DNAH9: variants seen among roughly 807,000 people sequenced by gnomAD.
DNAH9 encodes the protein dynein axonemal heavy chain 9, also known as DNAH9 variant protein.
In DNAH9, 345 loss-of-function variants were observed where a neutral mutation model predicts 471.6. The ratio of observed to expected loss-of-function variants is 0.73; its 90% CI spans 0.67 to 0.80. The LOEUF is 0.80. Ranked by LOEUF, DNAH9 falls within the 30% of genes least tolerant of loss-of-function variation. The probability of loss-of-function intolerance (pLI) is 0.00; values close to 1 mark genes in which losing one functional copy is unlikely to be tolerated. For missense variants in DNAH9, 5,407 were observed against 5,609.2 expected, an observed-to-expected ratio of 0.96 and a Z score of 1.15; for synonymous variants, 2,093 against 2,123.6, an observed-to-expected ratio of 0.99 and a Z score of 0.40.
chr17:11,795,284 C>T (rs1597657563), intron 42 of DNAH9, among the ~76,000 whole-genome samples: 1 of 152,098 alleles, frequency 6.6e-6, no homozygotes, highest in Non-Finnish European at 1.5e-5. Context: ...TTCTTAGCGT[C>T]GAAATTACCC....
chr17:11,698,206 A>ATTATATATATTAATATAATAATATATTAT (rs2074518455), intron 22 of DNAH9, among the ~76,000 whole-genome samples: 1 of 123,228 alleles, frequency 8.1e-6, no homozygotes, highest in East Asian at 2.1e-4. Context: ...TAATATATTA[A>ATTATATATATTAATATAATAATATATTAT]TAATATAATT....
At position 11,701,190 on chromosome 17, in the gene DNAH9, T is replaced by C. The variant is rs2074587842; in HGVS notation, c.5094T>C (p.Gly1698=). The change falls in exon 24 of 69, where the codon GGT becomes GGC. Residue 1698 remains glycine, a synonymous_variant. Transcript: ENST00000262442. ...KATVRHEMTE[G]VTAYEEKPRE... ...CTGTGAGGCATGAGATGACAGAAGG[T>C]GTAACTGCCTATGAAGAAAAGCCGA... 1 of 1,614,032 alleles carries C rather than the reference T, an allele frequency of 6.2e-7. No homozygotes were observed. Among genetic ancestry groups the C allele is most frequent in the African/African-American group, 1.3e-5 (1 of 75,036 alleles).
Position 11,742,209 on chromosome 17 carries a change from A to G in DNAH9, c.6007A>G (p.Ile2003Val). 6.2e-7 allele frequency: 1 copy of G among 1,614,128 alleles called. No individual in the cohort carries two copies. The highest frequency in any genetic ancestry group is 8.5e-7 in the Non-Finnish European group (1 of 1,179,998). ...CAMVVPDFEL[I>V]CEIMLVAEGF... Reference sequence around the variant, plus strand: ...AATGGTGGTTCCAGACTTTGAATTGATCTGTGAAATCATGCTGGTGGCAGA... The same window carrying G: ...AATGGTGGTTCCAGACTTTGAATTGGTCTGTGAAATCATGCTGGTGGCAGA... The change falls in exon 30 of 69, where the codon ATC becomes GTC. Residue 2003 changes from isoleucine to valine, a missense_variant. By Grantham distance (29) the Ile-to-Val change is conservative. Transcript: ENST00000262442.
At position 11,969,544 on chromosome 17, in the gene DNAH9, C is replaced by T. The variant is rs200299939; in HGVS notation, c.*17C>T. ...CAGATTTAGCATCCTGCAGAGCCAC[C>T]GAGAAAATAAAAAAGCTGGGCTTGG... is the stretch of plus-strand genomic sequence containing the variant. On this transcript the variant is annotated 3_prime_UTR_variant, in exon 69 of 69. Transcript: ENST00000262442. 1.1e-5 allele frequency: 17 copies of T among 1,583,914 alleles called. No homozygotes were observed. The Admixed American group carries it at 1.5e-4, about 14-fold the overall frequency.
intron 53 of DNAH9, among the ~76,000 whole-genome samples, chr17:11,877,433 A>G (rs1399201513): frequency 1.5e-5 from 2 of 135,204 alleles, no homozygotes; most frequent in Non-Finnish European, 3.1e-5. Flanking sequence ...AGATCGTGCC[A>G]TTGTACTCCA....
At chr17:11,641,164 T>C (rs778287498) in intron 10 of DNAH9, among the ~76,000 whole-genome samples, 11 of 152,168 alleles carry the variant, frequency 7.2e-5, no homozygotes, top group South Asian at 2.1e-4. Context: ...AGAGACCCTC[T>C]GGTCTGGCCC....
Position 11,793,488 on chromosome 17 carries a change from C to T in DNAH9, c.8062-15C>T, listed in dbSNP as rs945997753. 11 of 1,597,132 alleles carry T rather than the reference C, an allele frequency of 6.9e-6. No homozygotes were observed. The Admixed American group carries it at 1.1e-4, about 16-fold the overall frequency. On this transcript the variant is annotated splice_polypyrimidine_tract_variant and intron_variant, in intron 41 of 68. Transcript: ENST00000262442. ...GGTTATTAACGTTATTTTTTTGTGTCTGTTCCCCTTGAAGGGCATTCTCTT... is the reference window on the plus strand; with the variant it reads ...GGTTATTAACGTTATTTTTTTGTGTTTGTTCCCCTTGAAGGGCATTCTCTT...
rs114287092 is a variant in DNAH9 at position 11,812,788 on chromosome 17, A to G, written c.8707+2419A>G. ...ATGCCACAATTTTTTCCTTTCTTAA[A>G]TGCAATCTCTTTAACATCTCATCAC... On this transcript the variant is annotated intron_variant, in intron 45 of 68. Coordinates refer to ENST00000262442, the MANE Select transcript of DNAH9 (RefSeq NM_001372.4). 2.5e-3 allele frequency among the ~76,000 whole-genome samples: 373 copies of G among 152,234 alleles called. 1 individual carries two copies. Among genetic ancestry groups the G allele is most frequent in the African/African-American group, 8.1e-3 (335 of 41,538 alleles).
At chr17:11,668,676 A>C (rs948460166) in intron 15 of DNAH9, among the ~76,000 whole-genome samples, 9 of 143,826 alleles carry the variant, frequency 6.3e-5, no homozygotes, top group African/African-American at 1.7e-4. Flanking sequence ...AAAAAAAAAA[A>C]AAAAAAAAAA....
At chr17:11,754,509 A>C (rs1307461748) in intron 33 of DNAH9, among the ~76,000 whole-genome samples, 2 of 152,200 alleles carry the variant, frequency 1.3e-5, no homozygotes, top group Non-Finnish European at 2.9e-5. Flanking sequence ...TTGACATTTT[A>C]ATAATAGCAA....
chr17:11,903,479 T>C (rs1262831766), intron 60 of DNAH9, among the ~76,000 whole-genome samples: 1 of 152,214 alleles, frequency 6.6e-6, no homozygotes, highest in Non-Finnish European at 1.5e-5. Context: ...TATTGAATAG[T>C]ACACTTAAAA....
rs1414323513 is a variant in DNAH9, at chr17:11,623,894, T to C, written c.1350+4113T>C. On this transcript the variant is annotated intron_variant, in intron 6 of 68. Coordinates refer to ENST00000262442, the MANE Select transcript of DNAH9 (RefSeq NM_001372.4). This position sits in a 1 kb window ranked among gnomAD's most constrained non-coding sequence, Gnocchi z 4.1. ...CATTTCTCTGATGTGAGTTGCTTTT[T>C]TATTCTTTCACTCTTTTTGCACAAG... Among the ~76,000 whole-genome samples, 1 of 152,184 alleles carries C rather than the reference T, an allele frequency of 6.6e-6. No homozygotes were observed. Among genetic ancestry groups the C allele is most frequent in the Non-Finnish European group, 1.5e-5 (1 of 68,034 alleles).
At chr17:11,788,232 G>A (rs952663136) in intron 41 of DNAH9, among the ~76,000 whole-genome samples, 1 of 152,200 alleles carries the variant, frequency 6.6e-6, no homozygotes, top group African/African-American at 2.4e-5. Context: ...CTTGTCCTCT[G>A]AATTTCATAT....
At chr17:11,841,920 C>T (rs143241447) in intron 49 of DNAH9, among the ~76,000 whole-genome samples, 1,739 of 152,188 alleles carry the variant, frequency 0.011, 28 homozygotes, top group African/African-American at 0.038. Flanking sequence ...TCATTACCTA[C>T]TCAGATCCTA....
chr17:11,783,619 T>G (rs769769502), intron 39 of DNAH9, 27 bp from the exon 40 acceptor site: 1 of 1,589,024 alleles, frequency 6.3e-7, no homozygotes, highest in Non-Finnish European at 8.6e-7. Flanking sequence ...TCAGACACCT[T>G]TCACCTAGAG....
intron 38 of DNAH9, among the ~76,000 whole-genome samples, chr17:11,778,854 A>G (rs908395396): frequency 6.6e-6 from 1 of 151,930 alleles, no homozygotes; most frequent in African/African-American, 2.4e-5. Context: ...TAAAAACACA[A>G]AATTAGCCAG....
At chr17:11,657,718 T>C (rs1418349545) in intron 14 of DNAH9, among the ~76,000 whole-genome samples, 2 of 152,016 alleles carry the variant, frequency 1.3e-5, no homozygotes, top group East Asian at 3.8e-4. Context: ...TTAATTTTTG[T>C]TTAGGAGGTT....
intron 67 of DNAH9, among the ~76,000 whole-genome samples, chr17:11,946,663 C>CAAAAAAAAAAAAA (rs754149437): frequency 1.5e-5 from 1 of 67,934 alleles, no homozygotes; most frequent in Non-Finnish European, 2.7e-5. Flanking sequence ...GACTCCATCT[C>CAAAAAAAAAAAAA]AAAAAAAAAA....
chr17:11,637,631 A>G (rs1490867176), intron 9 of DNAH9, among the ~76,000 whole-genome samples: 1 of 152,170 alleles, frequency 6.6e-6, no homozygotes, highest in East Asian at 1.9e-4. Context: ...AATAAAATAC[A>G]TTCCTATAGT....
Sources: gnomAD v4.1 joint callset for allele counts (sites outside exome capture counted in the v4.1 genomes callset) on GRCh38, gnomAD v4.1.1 for gene constraint, Gnocchi (gnomAD v3.1) non-coding constraint, MANE v1.5 for transcripts, NCBI Gene and HGNC (gene_info 2026-07-23, HGNC 2026-07-21) for gene names.